Variants in SPATA13 observed in about 807,000 individuals in gnomAD.
SPATA13 encodes the protein spermatogenesis associated 13.
SPATA13 carries 50 observed loss-of-function variants against 104.0 expected under a neutral mutation model. The observed-to-expected ratio is 0.48, with a 90% CI of 0.38 to 0.61. The LOEUF (loss-of-function observed/expected upper bound fraction) is 0.61, where lower values mean the gene tolerates loss of function less well. Ranked by LOEUF, SPATA13 falls within the 20% of genes least tolerant of loss-of-function variation. The probability of loss-of-function intolerance (pLI) is 0.00; values close to 1 mark genes in which losing one functional copy is unlikely to be tolerated. For missense variants in SPATA13, 1,524 were observed against 1,690.6 expected, an observed-to-expected ratio of 0.90 and a Z score of 1.73; for synonymous variants, 606 against 667.5, an observed-to-expected ratio of 0.91 and a Z score of 1.42.
intron 9 of SPATA13, among the ~76,000 whole-genome samples, chr13:24,292,769 G>T (rs1436530403): frequency 1.3e-5 from 2 of 151,956 alleles, no homozygotes; most frequent in African/African-American, 4.8e-5. Flanking sequence ...AGGCCGAAAC[G>T]GGTGGATCAC....
At chr13:24,270,792 T>C (rs1166136692) in intron 4 of SPATA13, 3 of 1,611,334 alleles carry the variant, frequency 1.9e-6, no homozygotes, top group Non-Finnish European at 2.5e-6. Context: ...TCTGTGATGC[T>C]TGGGGACCGG....
intron 3 of SPATA13, among the ~76,000 whole-genome samples, chr13:24,141,445 C>T (rs188298292): frequency 8.5e-5 from 13 of 152,318 alleles, no homozygotes; most frequent in Admixed American, 8.5e-4. Flanking sequence ...CTGCTTCCCT[C>T]CCACCTGCTG....
chr13:24,168,559 T>C (rs1175372582), intron 1 of SPATA13, among the ~76,000 whole-genome samples: 1 of 150,190 alleles, frequency 6.7e-6, no homozygotes, highest in Non-Finnish European at 1.5e-5. Context: ...GAAACTTTTG[T>C]ATCGCAGCAC....
intron 12 of SPATA13, 63 bp downstream of exon 12, chr13:24,300,538 A>T: frequency 6.7e-7 from 1 of 1,489,270 alleles, no homozygotes; most frequent in Non-Finnish European, 9.3e-7. Context: ...AAATGGGAGC[A>T]TACCCCAAGT....
chr13:24,119,345 T>C (rs1880961422), intron 3 of SPATA13, among the ~76,000 whole-genome samples: 1 of 152,122 alleles, frequency 6.6e-6, no homozygotes, highest in African/African-American at 2.4e-5. Context: ...CCAGGAATAT[T>C]TTAAAAGAAA....
At chr13:23,983,250 G>A (rs780482799) in intron 1 of SPATA13, among the ~76,000 whole-genome samples, 3 of 152,088 alleles carry the variant, frequency 2.0e-5, no homozygotes, top group East Asian at 3.9e-4. Context: ...TTCTGACGCC[G>A]CGCTCCTTGG....
chr13:24,208,009 G>A (rs957870083), intron 1 of SPATA13, among the ~76,000 whole-genome samples: 12 of 152,240 alleles, frequency 7.9e-5, no homozygotes, highest in African/African-American at 2.9e-4. Context: ...GTAATTAGGA[G>A]TAATTTAGGG....
intron 1 of SPATA13, among the ~76,000 whole-genome samples, chr13:24,187,775 C>T (rs992548303): frequency 2.6e-5 from 4 of 152,142 alleles, no homozygotes; most frequent in Non-Finnish European, 5.9e-5. Context: ...TCACTGCTGG[C>T]CACTCCCAGT....
chr13:24,232,272 C>G (rs1171523970), intron 2 of SPATA13, among the ~76,000 whole-genome samples: 1 of 152,232 alleles, frequency 6.6e-6, no homozygotes, highest in Non-Finnish European at 1.5e-5. Flanking sequence ...AGGTGGATGT[C>G]TGCCAGGAGA....
At position 24,272,787 on chromosome 13, in the gene SPATA13, G is replaced by C. The variant is rs533025555; in HGVS notation, c.2165-11348G>C. The C allele has an allele frequency of 3.3e-5, 5 of 152,390 alleles. No homozygotes were observed. In the East Asian group the frequency reaches 9.6e-4, roughly 29 times the overall value. The allele number at this position is 152,390 out of a possible 1,614,324, so 9.4% of individuals were successfully genotyped here. A position where few individuals can be genotyped will look rare whatever the true frequency, so the allele number is the denominator to read the frequency against. The stretch of plus-strand genomic sequence containing the variant: ...AAGTTACTTAACATCTTTGAGCCAC[G>C]GTTTCCTCCTTCATAACCAGACAGC... On this transcript the variant is annotated intron_variant, in intron 4 of 12. Coordinates refer to ENST00000382108, the MANE Select transcript of SPATA13 (RefSeq NM_001166271.3).
Position 24,057,022 on chromosome 13 carries a change from TC to T in SPATA13, c.-112+39322del, listed in dbSNP as rs1566087994. On this transcript the variant is annotated intron_variant, in intron 3 of 14. Transcript: ENST00000424834. ...TGTTTTCTTTCTCTCTCTCTCTCTCTCTCTCTCTCTTTCTTTCATAGCGTCT... is the reference window on the plus strand; with the variant it reads ...TGTTTTCTTTCTCTCTCTCTCTCTCTTCTCTCTCTTTCTTTCATAGCGTCT... Among the ~76,000 whole-genome samples, 916 of 149,864 alleles carry T rather than the reference TC, an allele frequency of 6.1e-3. 11 individuals carry two copies. The highest frequency in any genetic ancestry group is 0.021 in the African/African-American group (850 of 40,744).
At chr13:24,226,482 G>GT (rs1182758546) in intron 2 of SPATA13, among the ~76,000 whole-genome samples, 4 of 152,266 alleles carry the variant, frequency 2.6e-5, no homozygotes, top group Admixed American at 2.6e-4. Context: ...TACAACAGCA[G>GT]TTTTTTTCAT....
chr13:24,057,057 CTT>C (rs71712571), intron 3 of SPATA13, among the ~76,000 whole-genome samples: 10 of 135,318 alleles, frequency 7.4e-5, no homozygotes, highest in African/African-American at 1.1e-4. Context: ...CTGGCTCTTT[CTT>C]TTTTTTTTTT....
chr13:24,140,972 C>T (rs1309106866), intron 3 of SPATA13, among the ~76,000 whole-genome samples: 3 of 152,188 alleles, frequency 2.0e-5, no homozygotes, highest in East Asian at 1.9e-4. Flanking sequence ...GTCAGGAGTT[C>T]GAGACCAGCT....
intron 4 of SPATA13, among the ~76,000 whole-genome samples, chr13:24,275,630 C>G (rs182972323): frequency 6.6e-6 from 1 of 152,182 alleles, no homozygotes; most frequent in African/African-American, 2.4e-5. Flanking sequence ...TTTACAAGAT[C>G]GTTTCCAAAA....
At chr13:24,257,246 G>T (rs1254521051) in intron 4 of SPATA13, among the ~76,000 whole-genome samples, 1 of 152,152 alleles carries the variant, frequency 6.6e-6, no homozygotes, top group Non-Finnish European at 1.5e-5. Flanking sequence ...TTCCAGAGAG[G>T]AGAGTGTCCA....
intron 12 of SPATA13, among the ~76,000 whole-genome samples, chr13:24,302,295 T>G (rs141230211): frequency 0.01 from 1,593 of 151,766 alleles, 34 homozygotes; most frequent in African/African-American, 0.037. Flanking sequence ...ATTAGCTCTC[T>G]ACAAAAAAAT....
chr13:24,250,921 A>C (rs2138662757), intron 3 of SPATA13, among the ~76,000 whole-genome samples: 1 of 152,356 alleles, frequency 6.6e-6, no homozygotes, highest in East Asian at 1.9e-4. Context: ...GAATGTGCGA[A>C]GTAATTTTCT....
At chr13:24,099,415 T>C (rs1880184680) in intron 3 of SPATA13, among the ~76,000 whole-genome samples, 1 of 152,232 alleles carries the variant, frequency 6.6e-6, no homozygotes, top group Non-Finnish European at 1.5e-5. Context: ...AAAATGTTAG[T>C]TCCTCAGTCT....
Sources: gnomAD v4.1 joint callset for allele counts (sites outside exome capture counted in the v4.1 genomes callset) on GRCh38, gnomAD v4.1.1 for gene constraint, MANE v1.5 for transcripts, NCBI Gene and HGNC (gene_info 2026-07-23, HGNC 2026-07-21) for gene names.